Variants in ASB15 observed in about 807,000 individuals in gnomAD.
ASB15 encodes ankyrin repeat and SOCS box protein 15.
Under a neutral mutation model 58.0 loss-of-function variants are expected in ASB15, and 54 were observed. The observed-to-expected ratio is 0.93, with a 90% CI of 0.75 to 1.17. The LOEUF (loss-of-function observed/expected upper bound fraction) is 1.17. Among genes scored for constraint, ASB15 ranks in the 50% most tolerant of loss-of-function variants. The pLI is 0.00. For synonymous variants in ASB15, 249 were observed against 262.4 expected (o/e 0.95, Z 0.50); for missense variants, 680 against 707.4 (o/e 0.96, Z 0.44).
chr7:123,587,334 T>C (rs1050878385), intron 1 of ASB15, among the ~76,000 whole-genome samples: 1 of 151,704 alleles, frequency 6.6e-6, no homozygotes, highest in Non-Finnish European at 1.5e-5. Context: ...TTAAAATTTA[T>C]TTTTCTGATA....
chr7:123,626,806 C>T (rs767984373), intron 8 of ASB15, among the ~76,000 whole-genome samples: 20 of 152,072 alleles, frequency 1.3e-4, no homozygotes, highest in Non-Finnish European at 2.5e-4. Flanking sequence ...GGAGTGATCT[C>T]GGCTCATCAC....
chr7:123,606,392 A>C (rs1800150484), intron 2 of ASB15, among the ~76,000 whole-genome samples: 1 of 152,152 alleles, frequency 6.6e-6, no homozygotes, highest in Non-Finnish European at 1.5e-5. Context: ...CAGTCCTAAG[A>C]GGTAGATGCT....
rs576055642 is a variant in ASB15 at position 123,624,807 on chromosome 7, C to G, written c.690C>G (p.Ile230Met). 8 of 1,613,608 alleles carry G rather than the reference C, an allele frequency of 5.0e-6. No individual in the cohort carries two copies. In the South Asian group the frequency reaches 5.5e-5, roughly 11 times the overall value. ...ACTGTGACGTGTTAGAACATCTAAT[C>G]CACAAAGGTATGTGAAAAGGAGTTA... ...YGHCDVLEHL[I>M]HKGGDVLALA... The change falls in exon 8 of 12, where the codon ATC (isoleucine) becomes ATG (methionine). Residue 230 changes from isoleucine to methionine, a missense_variant. Physicochemically the swap from Ile to Met is conservative, Grantham distance 10. Coordinates refer to ENST00000451215, the MANE Select transcript of ASB15 (RefSeq NM_001290258.2).
chr7:123,581,513 T>C (rs1799234431), intron 1 of ASB15, among the ~76,000 whole-genome samples: 1 of 151,972 alleles, frequency 6.6e-6, no homozygotes, highest in Non-Finnish European at 1.5e-5. Flanking sequence ...ATTTTTGTTA[T>C]TTCTACCTTC....
Position 123,638,718 on chromosome 7 carries a change from CTCTT to C in ASB15, c.*1740_*1743del, listed in dbSNP as rs1398059635. On this transcript the variant is annotated 3_prime_UTR_variant, in exon 12 of 12. Transcript: ENST00000451215. ...GCATTTCCTTCTCTCATCTGGAACT[CTCTT>C]TCCGCTTTTTTTGCACCCTTTCACC... is the stretch of plus-strand genomic sequence containing the variant. 1.3e-5 allele frequency: 2 copies of C among 152,390 alleles called. No homozygotes were observed. The highest frequency in any genetic ancestry group is 2.1e-4 in the South Asian group (1 of 4,828). The allele number at this position is 152,390 out of a possible 1,614,324, so 9.4% of individuals were successfully genotyped here. A position where few individuals can be genotyped will look rare whatever the true frequency, so the allele number is the denominator to read the frequency against.
chr7:123,636,107 T>A (rs996422705), intron 11 of ASB15, among the ~76,000 whole-genome samples: 1 of 152,116 alleles, frequency 6.6e-6, no homozygotes, highest in Non-Finnish European at 1.5e-5. Context: ...ATTAAGCGAT[T>A]TGCCCAAGGT....
rs141925353 is a variant in ASB15 at position 123,585,316 on chromosome 7, T to C, written c.-443+18228T>C. Among the ~76,000 whole-genome samples the C allele has an allele frequency of 6.1e-3, 928 of 151,746 alleles. 7 individuals are homozygous for C. The highest frequency in any genetic ancestry group is 0.021 in the African/African-American group (889 of 41,446). On this transcript the variant is annotated intron_variant, in intron 1 of 13. Transcript: ENST00000451558. ...AAATTGTTAAAGAAACAAGCAAATTTATCCAAGCAGAAGAGACAACTTCCT... is the reference window on the plus strand; with the variant it reads ...AAATTGTTAAAGAAACAAGCAAATTCATCCAAGCAGAAGAGACAACTTCCT...
At chr7:123,575,434 CAATCATACACAATTA>C (rs922861008) in intron 1 of ASB15, among the ~76,000 whole-genome samples, 2 of 151,986 alleles carry the variant, frequency 1.3e-5, no homozygotes, top group Non-Finnish European at 1.5e-5. Flanking sequence ...CCACATGAGG[CAATCATACACAATTA>C]AATCATACAC....
chr7:123,578,196 T>A (rs989954183), intron 1 of ASB15, among the ~76,000 whole-genome samples: 1 of 149,914 alleles, frequency 6.7e-6, no homozygotes, highest in Non-Finnish European at 1.5e-5. Context: ...CCATACTAGA[T>A]CATCTATTAC....
intron 1 of ASB15, among the ~76,000 whole-genome samples, chr7:123,591,136 T>G (rs1274413910): frequency 6.6e-6 from 1 of 152,178 alleles, no homozygotes; most frequent in Non-Finnish European, 1.5e-5. Flanking sequence ...TTGTGATTTT[T>G]GCAAATTGAT....
intron 7 of ASB15, 28 bp downstream of exon 7, chr7:123,617,765 T>C: frequency 1.9e-6 from 3 of 1,572,466 alleles, no homozygotes; most frequent in South Asian, 1.1e-5. Context: ...CTAGAACTTT[T>C]ATAGTTTGAA....
intron 3 of ASB15, among the ~76,000 whole-genome samples, chr7:123,610,599 T>C (rs1282214759): frequency 1.3e-5 from 2 of 152,228 alleles, no homozygotes; most frequent in South Asian, 2.1e-4. Flanking sequence ...TGAGATTCCA[T>C]AAGTTCCCTA....
chr7:123,574,174 A>C (rs1345810989), intron 1 of ASB15, among the ~76,000 whole-genome samples: 2 of 151,882 alleles, frequency 1.3e-5, no homozygotes, highest in African/African-American at 2.4e-5. Context: ...TTTTTATATA[A>C]AATTGATCAC....
At chr7:123,588,609 C>T (rs1799442374) in intron 1 of ASB15, among the ~76,000 whole-genome samples, 1 of 147,508 alleles carries the variant, frequency 6.8e-6, no homozygotes, top group African/African-American at 2.5e-5. Context: ...CTTTTTTCTA[C>T]TAACTTTGGG....
In ASB15 at chr7:123,571,303, A is replaced by G. The variant is rs1230864324; in HGVS notation, c.-443+4215A>G. 2.6e-5 allele frequency among the ~76,000 whole-genome samples: 4 copies of G among 152,308 alleles called. No individual in the cohort carries two copies. The East Asian group carries it at 7.7e-4, about 29-fold the overall frequency. ...TTAAGTTGTTCTTCATTTTCGTTGT[A>G]CTGTGGTTTTTAATTGCATTTAATT... On this transcript the variant is annotated intron_variant, in intron 1 of 13. Transcript: ENST00000451558.
At chr7:123,593,532 C>A (rs757280873) in intron 1 of ASB15, among the ~76,000 whole-genome samples, 12 of 152,126 alleles carry the variant, frequency 7.9e-5, no homozygotes, top group Non-Finnish European at 1.8e-4. Context: ...ACTTACAAAG[C>A]TTAGTTTGGC....
In ASB15 at chr7:123,629,050, T is replaced by C; in HGVS notation, c.1056T>C (p.Thr352=). 6.2e-7 allele frequency: 1 copy of C among 1,613,822 alleles called. No homozygotes were observed. ...ISQSYDDERK[T]ALYFGVSNND... is the part of the protein sequence containing the mutation. ...AGAGCTATGACGATGAGAGGAAGACTGCGCTGTATTTTGGCGTTTCTAATA... is the reference window on the plus strand; with the variant it reads ...AGAGCTATGACGATGAGAGGAAGACCGCGCTGTATTTTGGCGTTTCTAATA... The change falls in exon 10 of 12, where the codon ACT becomes ACC. Residue 352 remains threonine, a synonymous_variant. Transcript: ENST00000451215.
chr7:123,608,298 A>G (rs1198738835), intron 2 of ASB15, among the ~76,000 whole-genome samples: 3 of 152,224 alleles, frequency 2.0e-5, no homozygotes, highest in Admixed American at 6.5e-5. Context: ...ATAAAGAAAC[A>G]CAAGGCTAAT....
chr7:123,571,978 T>G (rs1798919401), intron 1 of ASB15, among the ~76,000 whole-genome samples: 1 of 151,794 alleles, frequency 6.6e-6, no homozygotes, highest in African/African-American at 2.4e-5. Context: ...TCACTACATC[T>G]TTTGTAGGGA....
Sources: gnomAD v4.1 joint callset for allele counts (sites outside exome capture counted in the v4.1 genomes callset) on GRCh38, gnomAD v4.1.1 for gene constraint, MANE v1.5 for transcripts, NCBI Gene and HGNC (gene_info 2026-07-23, HGNC 2026-07-21) for gene names.